Variants in UBE2D3 observed in about 807,000 individuals in gnomAD.
The protein encoded by UBE2D3 is ubiquitin-conjugating enzyme E2 D3.
A neutral mutation model predicts 22.8 loss-of-function variants in UBE2D3; 2 were observed. The ratio of observed to expected loss-of-function variants is 0.09; its 90% CI spans 0.04 to 0.28. The LOEUF (loss-of-function observed/expected upper bound fraction) is 0.28. Ranked by LOEUF, UBE2D3 falls within the 10% of genes least tolerant of loss-of-function variation. The pLI is 1.00. For missense variants in UBE2D3, 27 were observed against 182.5 expected (o/e 0.15, Z 4.91); for synonymous variants, 56 against 60.4 (o/e 0.93, Z 0.34).
chr4:102,815,115 C>T (rs1176529024), intron 2 of UBE2D3, among the ~76,000 whole-genome samples: 1 of 152,064 alleles, frequency 6.6e-6, no homozygotes. Context: ...ACAATCTTGG[C>T]TCACTGCAAC....
intron 1 of UBE2D3, among the ~76,000 whole-genome samples, chr4:102,836,510 G>A (rs772977200): frequency 1.5e-4 from 23 of 152,068 alleles, no homozygotes; most frequent in Non-Finnish European, 2.8e-4. Context: ...TGTTTATATG[G>A]ACATATGTTT....
Position 102,797,376 on chromosome 4 carries a change from T to C in UBE2D3, c.*39A>G, listed in dbSNP as rs757643664. 13 of 1,539,878 alleles carry C rather than the reference T, an allele frequency of 8.4e-6. No homozygotes were observed. Among genetic ancestry groups the C allele is most frequent in the Non-Finnish European group, 1.1e-5 (13 of 1,131,060 alleles). On this transcript the variant is annotated 3_prime_UTR_variant, in exon 8 of 8. Transcript: ENST00000453744. ...AAAGGAACAGTAATTTAAAGTTTAT[T>C]CCAGCTATAATGCAGGTTATTCTGA...
At chr4:102,835,699 T>C (rs1249538298) in intron 1 of UBE2D3, among the ~76,000 whole-genome samples, 1 of 152,232 alleles carries the variant, frequency 6.6e-6, no homozygotes, top group African/African-American at 2.4e-5. Context: ...TACATTGTTA[T>C]GTTTTTAACA....
chr4:102,820,730 CAAAA>C (rs1729466850), intron 2 of UBE2D3, among the ~76,000 whole-genome samples: 1 of 151,720 alleles, frequency 6.6e-6, no homozygotes, highest in African/African-American at 2.4e-5. Flanking sequence ...TTAAAACAAA[CAAAA>C]CAAACAAACA....
intron 1 of UBE2D3, chr4:102,827,175 C>G: frequency 2.0e-6 from 2 of 987,030 alleles, no homozygotes; most frequent in Non-Finnish European, 2.4e-6. Context: ...CGCGCTCCCG[C>G]GCGCGCCCGC....
At chr4:102,824,639 A>C (rs753207603) in intron 2 of UBE2D3, among the ~76,000 whole-genome samples, 11 of 152,224 alleles carry the variant, frequency 7.2e-5, no homozygotes, top group Non-Finnish European at 1.5e-4. Flanking sequence ...TAAATCATTT[A>C]AGTGGTGTCA....
chr4:102,811,916 C>T (rs1203596027), intron 2 of UBE2D3: 8 of 252,722 alleles, frequency 3.2e-5, no homozygotes, highest in South Asian at 1.7e-4. Context: ...TCAATGCATC[C>T]GTGTATAACT....
chr4:102,861,690 G>C (rs1732905446), intron 1 of UBE2D3, among the ~76,000 whole-genome samples: 1 of 151,870 alleles, frequency 6.6e-6, no homozygotes, highest in Admixed American at 6.6e-5. Flanking sequence ...AGGCAAAAAA[G>C]ATGGCTTCCA....
chr4:102,812,826 G>A (rs193167850), intron 2 of UBE2D3: 320 of 152,250 alleles, frequency 2.1e-3, no homozygotes, highest in African/African-American at 7.2e-3. Flanking sequence ...CCATTTAACA[G>A]GATTTGCTCT....
intron 1 of UBE2D3, among the ~76,000 whole-genome samples, chr4:102,861,589 T>A (rs771154837): frequency 9.2e-5 from 14 of 151,984 alleles, no homozygotes; most frequent in Non-Finnish European, 1.6e-4. Flanking sequence ...GAGTAGCTAG[T>A]TCCATAAACT....
intron 2 of UBE2D3, among the ~76,000 whole-genome samples, chr4:102,820,154 G>C (rs1388691904): frequency 6.6e-6 from 1 of 152,186 alleles, no homozygotes; most frequent in Non-Finnish European, 1.5e-5. Flanking sequence ...AGGTCGAAGT[G>C]CAGTGCAATT....
chr4:102,803,228 T>C (rs1319001261), intron 4 of UBE2D3, among the ~76,000 whole-genome samples: 6 of 152,342 alleles, frequency 3.9e-5, no homozygotes, highest in South Asian at 2.1e-4. Flanking sequence ...TGGTAAATGA[T>C]AGAACCAAGA....
At position 102,801,439 on chromosome 4, in the gene UBE2D3, A is replaced by C; in HGVS notation, c.304+15T>G. Reference sequence around the variant, plus strand: ...TTAGACAATGAGAACAGCTTATTTCACTAGAAATATTTACCTTTAGAAATT... The same window carrying C: ...TTAGACAATGAGAACAGCTTATTTCCCTAGAAATATTTACCTTTAGAAATT... On this transcript the variant is annotated intron_variant, in intron 6 of 7. Transcript: ENST00000453744. 1 of 1,579,544 alleles carries C rather than the reference A, an allele frequency of 6.3e-7. No individual in the cohort carries two copies. The highest frequency in any genetic ancestry group is 8.7e-7 in the Non-Finnish European group (1 of 1,151,810).
chr4:102,846,203 G>C (rs570403174), intron 1 of UBE2D3, among the ~76,000 whole-genome samples: 2 of 152,116 alleles, frequency 1.3e-5, no homozygotes, highest in Non-Finnish European at 2.9e-5. Flanking sequence ...ATCATCTCTC[G>C]CAAACAAAGA....
intron 4 of UBE2D3, among the ~76,000 whole-genome samples, chr4:102,807,416 G>A (rs1190719553): frequency 1.3e-5 from 2 of 152,122 alleles, no homozygotes; most frequent in Non-Finnish European, 2.9e-5. Context: ...GACAATACCC[G>A]TACTTTGGGT....
At chr4:102,845,632 C>G (rs767580971) in intron 1 of UBE2D3, among the ~76,000 whole-genome samples, 2 of 152,168 alleles carry the variant, frequency 1.3e-5, no homozygotes, top group Non-Finnish European at 2.9e-5. Context: ...CTATATATGT[C>G]AAGCAGCACC....
chr4:102,867,110 A>G (rs1733182307), intron 1 of UBE2D3, among the ~76,000 whole-genome samples: 1 of 152,354 alleles, frequency 6.6e-6, no homozygotes, highest in South Asian at 2.1e-4. Flanking sequence ...TAGAATTTCC[A>G]TTGTAAGTTT....
At chr4:102,828,987 CTT>C (rs1422955971), upstream of UBE2D3, among the ~76,000 whole-genome samples, 1 of 152,166 alleles carries the variant, frequency 6.6e-6, no homozygotes, top group African/African-American at 2.4e-5. Context: ...TAAAAATACA[CTT>C]AATTTGAAAA....
intron 1 of UBE2D3, among the ~76,000 whole-genome samples, chr4:102,864,367 T>G (rs141630273): frequency 0.061 from 1,992 of 32,830 alleles, 102 homozygotes; most frequent in Non-Finnish European, 0.072. Context: ...ACTTCCCAAT[T>G]TATCCAGGAA....
Sources: allele counts gnomAD v4.1 joint callset (sites outside exome capture counted in the v4.1 genomes callset), GRCh38; gene constraint gnomAD v4.1.1; transcripts MANE v1.5; gene names NCBI Gene and HGNC (gene_info 2026-07-23, HGNC 2026-07-21).